The following LEPR variants were observed in gnomAD, a reference collection of about 807,000 sequenced individuals.
The protein encoded by LEPR is leptin receptor.
LEPR carries 56 observed loss-of-function variants against 114.7 expected under a neutral mutation model. That is an observed-to-expected ratio of 0.49 (90% CI 0.39 to 0.61). The LOEUF (loss-of-function observed/expected upper bound fraction) is 0.61, where lower values mean the gene tolerates loss of function less well. Among genes scored for constraint, LEPR ranks in the 20% least tolerant of loss-of-function variants. LEPR has a pLI of 0.00. For missense variants in LEPR, 1,202 were observed against 1,352.9 expected, an observed-to-expected ratio of 0.89 and a Z score of 1.75; for synonymous variants, 443 against 461.4, an observed-to-expected ratio of 0.96 and a Z score of 0.51.
intron 5 of LEPR, among the ~76,000 whole-genome samples, chr1:65,579,258 G>A (rs548844227): frequency 1.3e-5 from 2 of 152,302 alleles, no homozygotes; most frequent in Non-Finnish European, 2.9e-5. Flanking sequence ...GTTGGAAAGT[G>A]GAGGTGGAAG....
At chr1:65,583,002 G>A (rs1241922473) in intron 5 of LEPR, among the ~76,000 whole-genome samples, 8 of 151,862 alleles carry the variant, frequency 5.3e-5, no homozygotes, top group Admixed American at 1.3e-4. Context: ...AGAGGGTCTG[G>A]ATTACTCTCC....
Position 65,601,662 on chromosome 1 carries a change from A to G in LEPR, c.1265A>G (p.Tyr422Cys), listed in dbSNP as rs757166405. ...AATGAACATGAATGCCATCATCGCTATGCTGAATTATATGTGATTGGTAAG... is the reference window on the plus strand; with the variant it reads ...AATGAACATGAATGCCATCATCGCTGTGCTGAATTATATGTGATTGGTAAG... Reference protein sequence around the residue: ...CCNEHECHHRYAELYVIDVNI... With the variant: ...CCNEHECHHRCAELYVIDVNI... Residue 422 changes from tyrosine (Y) to cysteine (C), a missense_variant, in exon 9 of 20, where the codon TAT becomes TGT. Physicochemically the swap from Tyr to Cys is radical, Grantham distance 194. Transcript: ENST00000349533. 1.2e-6 allele frequency: 2 copies of G among 1,613,666 alleles called. No homozygotes were observed. Among genetic ancestry groups the G allele is most frequent in the Middle Eastern group, 1.7e-4 (1 of 6,052 alleles).
chr1:65,508,273 C>T lies in LEPR; in HGVS notation c.-20-57273C>T, dbSNP rs564948568. On this transcript the variant is annotated intron_variant, in intron 2 of 19. Coordinates refer to ENST00000349533, the MANE Select transcript of LEPR (RefSeq NM_002303.6). Reference sequence around the variant, plus strand: ...AAGAAATCATTCCCCAGACCAATGTCGTGAAACTTTTCCCTAGGTTTTCTT... The same window carrying T: ...AAGAAATCATTCCCCAGACCAATGTTGTGAAACTTTTCCCTAGGTTTTCTT... Among the ~76,000 whole-genome samples the T allele has an allele frequency of 9.2e-5, 14 of 152,274 alleles. No individual in the cohort carries two copies. The South Asian group carries it at 1.9e-3, about 20-fold the overall frequency.
chr1:65,565,449 A>G (rs1385191990), intron 2 of LEPR, 97 bp from the exon 3 acceptor site: 1 of 1,177,562 alleles, frequency 8.5e-7, no homozygotes, highest in Non-Finnish European at 1.2e-6. Flanking sequence ...TTAGAGACTT[A>G]TCTATAATCC....
intron 2 of LEPR, among the ~76,000 whole-genome samples, chr1:65,549,011 C>CA (rs1557655180): frequency 2.0e-5 from 3 of 151,852 alleles, no homozygotes; most frequent in African/African-American, 7.3e-5. Flanking sequence ...CTGGTGGTGA[C>CA]AAAATCTCTC....
chr1:65,468,547 A>G (rs943697614), intron 2 of LEPR, among the ~76,000 whole-genome samples: 4 of 152,234 alleles, frequency 2.6e-5, no homozygotes, highest in Non-Finnish European at 4.4e-5. Context: ...AAGAGAGTTG[A>G]GGCAAAATCC....
intron 2 of LEPR, among the ~76,000 whole-genome samples, chr1:65,458,161 A>G (rs950622765): frequency 3.3e-5 from 5 of 152,244 alleles, no homozygotes; most frequent in Admixed American, 3.3e-4. Context: ...ATACTGAGGG[A>G]CAAATTATGG....
intron 2 of LEPR, among the ~76,000 whole-genome samples, chr1:65,537,509 T>G (rs963671847): frequency 1.3e-5 from 2 of 152,146 alleles, no homozygotes; most frequent in African/African-American, 4.8e-5. Flanking sequence ...TAGAAGATAA[T>G]TTAGCCTACT....
intron 4 of LEPR, 92 bp downstream of exon 4, chr1:65,570,894 A>T: frequency 9.2e-7 from 1 of 1,084,088 alleles, no homozygotes; most frequent in Non-Finnish European, 1.2e-6. Flanking sequence ...TATGATTTTA[A>T]CATACATAAT....
rs992720162 is a variant in LEPR at position 65,622,950 on chromosome 1, G to T, written c.2642G>T (p.Cys881Phe). The change falls in exon 19 of 20, where the codon TGT (cysteine) becomes TTT (phenylalanine). Residue 881 changes from cysteine (C) to phenylalanine (F), a missense_variant. Transcript: ENST00000349533. ...GAAGATGTTCCGAACCCCAAGAATT[G>T]TTCCTGGGCACAAGGACTTAATTTT... ...FWEDVPNPKN[C>F]SWAQGLNFQK... is the part of the protein sequence containing the mutation. 6 of 1,613,946 alleles carry T rather than the reference G, an allele frequency of 3.7e-6. No individual in the cohort carries two copies.
At chr1:65,433,565 T>C in intron 2 of LEPR, 1 of 984,908 alleles carries the variant, frequency 1.0e-6, no homozygotes, top group Non-Finnish European at 1.2e-6. Context: ...AATTAGCAGG[T>C]ATGATGCTGG....
intron 2 of LEPR, among the ~76,000 whole-genome samples, chr1:65,503,061 A>G (rs892712362): frequency 3.3e-5 from 5 of 152,144 alleles, no homozygotes; most frequent in African/African-American, 1.2e-4. Flanking sequence ...TGAAAAGGCT[A>G]CACACTGTAT....
intron 5 of LEPR, among the ~76,000 whole-genome samples, chr1:65,574,858 G>A (rs1000909501): frequency 2.0e-5 from 3 of 152,158 alleles, no homozygotes; most frequent in African/African-American, 4.8e-5. Context: ...TGATATGTAC[G>A]GATTTGGCAG....
At chr1:65,435,159 T>C in intron 2 of LEPR, 1 of 985,288 alleles carries the variant, frequency 1.0e-6, no homozygotes, top group Non-Finnish European at 1.2e-6. Flanking sequence ...GGAGGAGTTC[T>C]GAGCTGGTCC....
intron 2 of LEPR, among the ~76,000 whole-genome samples, chr1:65,495,299 G>T (rs979256743): frequency 6.6e-6 from 1 of 152,148 alleles, no homozygotes; most frequent in Non-Finnish European, 1.5e-5. Context: ...GAAGAAAAAT[G>T]CTAATATCTC....
intron 3 of LEPR, among the ~76,000 whole-genome samples, chr1:65,566,735 A>G (rs1283880076): frequency 2.0e-5 from 3 of 152,222 alleles, no homozygotes; most frequent in East Asian, 1.9e-4. Flanking sequence ...CTGTGTGTCA[A>G]CTGATTCTGA....
chr1:65,484,784 A>G (rs1367008463), intron 2 of LEPR, among the ~76,000 whole-genome samples: 4 of 152,228 alleles, frequency 2.6e-5, no homozygotes, highest in Non-Finnish European at 4.4e-5. Flanking sequence ...GGTCAATTTC[A>G]GAGCAAACAT....
At chr1:65,594,441 G>C (rs1225827672) in intron 6 of LEPR, among the ~76,000 whole-genome samples, 1 of 152,034 alleles carries the variant, frequency 6.6e-6, no homozygotes, top group Non-Finnish European at 1.5e-5. Flanking sequence ...AGATGGTGCT[G>C]ACTGGACTGT....
chr1:65,543,285 C>A (rs1651380107), intron 2 of LEPR, among the ~76,000 whole-genome samples: 1 of 151,772 alleles, frequency 6.6e-6, no homozygotes, highest in Non-Finnish European at 1.5e-5. Flanking sequence ...CTGTTCATAT[C>A]CTTTGCCCAC....
Sources: gnomAD v4.1 joint callset for allele counts (sites outside exome capture counted in the v4.1 genomes callset) on GRCh38, gnomAD v4.1.1 for gene constraint, MANE v1.5 for transcripts, NCBI Gene and HGNC (gene_info 2026-07-23, HGNC 2026-07-21) for gene names.